The following DHRSX variants were observed in gnomAD, a reference collection of about 807,000 sequenced individuals.
DHRSX encodes polyprenol dehydrogenase.
A neutral mutation model predicts 34.0 loss-of-function variants in DHRSX; 31 were observed. The ratio of observed to expected loss-of-function variants is 0.91; its 90% confidence interval spans 0.69 to 1.23. DHRSX has a LOEUF of 1.23. Ranked by LOEUF, DHRSX falls within the 50% of genes most tolerant of loss-of-function variation. The probability of loss-of-function intolerance (pLI) is 0.00; values close to 1 mark genes in which losing one functional copy is unlikely to be tolerated. For synonymous variants in DHRSX, 201 were observed against 183.8 expected, an observed-to-expected ratio of 1.09 and a Z score of -0.76; for missense variants, 414 against 428.1, an observed-to-expected ratio of 0.97 and a Z score of 0.29.
At chrX:2,284,828 A>G (rs753029837) in intron 4 of DHRSX, among the ~76,000 whole-genome samples, 1 of 152,256 alleles carries the variant, frequency 6.6e-6, no homozygotes, top group African/African-American at 2.4e-5. Context: ...GTCAGGTTCT[A>G]TTTTCAACCC....
chrX:2,498,625 G>GAA (rs10624636), intron 1 of DHRSX, among the ~76,000 whole-genome samples: 25,503 of 128,448 alleles, frequency 0.2, 2,629 homozygotes, highest in South Asian at 0.32. Flanking sequence ...CAGTAAATGG[G>GAA]AAAAAAAAAA....
At chrX:2,454,255 T>G (rs7889210) in intron 1 of DHRSX, among the ~76,000 whole-genome samples, 72,127 of 151,886 alleles carry the variant, frequency 0.47, 20,296 homozygotes, top group African/African-American at 0.77. Context: ...GGCCGGGCGC[T>G]GTGACTCACG....
At position 2,422,889 on chromosome X, in the gene DHRSX, A is replaced by G. The variant is rs373113285; in HGVS notation, c.217+2308T>C. Among the ~76,000 whole-genome samples, 29 of 152,032 alleles carry G rather than the reference A, an allele frequency of 1.9e-4. 1 individual carries two copies. The highest frequency in any genetic ancestry group is 6.5e-4 in the African/African-American group (27 of 41,514). On this transcript the variant is annotated intron_variant, in intron 2 of 6. Coordinates refer to ENST00000334651, the MANE Select transcript of DHRSX (RefSeq NM_145177.3). ...AACCTCCGCCTCTCAGGTTCAAGCA[A>G]TTCACCTGCCTCAGCCTCCCGAGTA...
At position 2,425,177 on chromosome X, in the gene DHRSX, G is replaced by T; in HGVS notation, c.217+20C>A. 1 of 1,543,626 alleles carries T rather than the reference G, an allele frequency of 6.5e-7. No individual in the cohort carries two copies. Among genetic ancestry groups the T allele is most frequent in the Non-Finnish European group, 8.8e-7 (1 of 1,136,334 alleles). ...AAAACCGAAAAAACAAAAAACACAA[G>T]TAACTGTAAAAGTCATCACCTATGA... On this transcript the variant is annotated intron_variant, in intron 2 of 6. Transcript: ENST00000334651.
chrX:2,325,477 C>T (rs761920786), intron 3 of DHRSX, among the ~76,000 whole-genome samples: 6 of 152,336 alleles, frequency 3.9e-5, no homozygotes, highest in African/African-American at 7.2e-5. Context: ...GCTCCATCTT[C>T]CCTCCTCTTT....
chrX:2,477,901 G>T (rs73622916), intron 1 of DHRSX, among the ~76,000 whole-genome samples: 22,038 of 141,700 alleles, frequency 0.16, no homozygotes, highest in African/African-American at 0.29. Context: ...CAGGACACAA[G>T]CCCCTTCCAC....
chrX:2,413,635 T>C (rs2043658233), intron 2 of DHRSX, among the ~76,000 whole-genome samples: 2 of 152,330 alleles, frequency 1.3e-5, no homozygotes, highest in East Asian at 1.9e-4. Context: ...GTACTATTCA[T>C]GGACAATACA....
Position 2,296,511 on chromosome X carries a change from A to AC in DHRSX, c.287-4909dup, listed in dbSNP as rs758431330. On this transcript the variant is annotated intron_variant, in intron 3 of 6. Transcript: ENST00000334651. ...ATAGGAATAGGACCCAGGCAGATAG[A>AC]CCCAGGCAGACAGGAATAGGACCCA... Among the ~76,000 whole-genome samples, 761 of 133,470 alleles carry AC rather than the reference A, an allele frequency of 5.7e-3. 2 individuals carry two copies. The highest frequency in any genetic ancestry group is 0.02 in the African/African-American group (616 of 30,514). 87.6% of individuals were successfully genotyped at this position (133,470 alleles called of 152,430 possible).
intron 3 of DHRSX, among the ~76,000 whole-genome samples, chrX:2,295,213 G>A (rs2041917942): frequency 6.6e-6 from 1 of 151,504 alleles, no homozygotes; most frequent in Admixed American, 6.6e-5. Flanking sequence ...AGAAAATGTG[G>A]CACATAGACA....
Position 2,316,388 on chromosome X carries a change from C to T in DHRSX, c.287-24785G>A, listed in dbSNP as rs865937182. On this transcript the variant is annotated intron_variant, in intron 3 of 6. Coordinates refer to ENST00000334651, the MANE Select transcript of DHRSX (RefSeq NM_145177.3). ...CCAAAAGGGTGAAACCCTGTCTCTACGAAAAATACAAAAATTAGCCAGGCA... is the reference window on the plus strand; with the variant it reads ...CCAAAAGGGTGAAACCCTGTCTCTATGAAAAATACAAAAATTAGCCAGGCA... Among the ~76,000 whole-genome samples, 8 of 152,194 alleles carry T rather than the reference C, an allele frequency of 5.3e-5. No homozygotes were observed. In the South Asian group the frequency reaches 6.2e-4, roughly 12 times the overall value.
At chrX:2,282,956 GAC>G (rs1234684350) in intron 4 of DHRSX, among the ~76,000 whole-genome samples, 2 of 151,490 alleles carry the variant, frequency 1.3e-5, no homozygotes, top group South Asian at 2.1e-4. Flanking sequence ...GAGAGAGAGA[GAC>G]AGAGAGAAAA....
At chrX:2,270,794 A>G (rs2041540798) in intron 4 of DHRSX, among the ~76,000 whole-genome samples, 1 of 152,188 alleles carries the variant, frequency 6.6e-6, no homozygotes. Context: ...GTCTAGCTAA[A>G]GAATTGTAAA....
chrX:2,354,945 T>C (rs1374719233), intron 3 of DHRSX, among the ~76,000 whole-genome samples: 1 of 152,082 alleles, frequency 6.6e-6, no homozygotes, highest in Admixed American at 6.6e-5. Context: ...AATATCCATC[T>C]TGGGACTCAT....
At chrX:2,384,961 A>G (rs1487456604) in intron 3 of DHRSX, among the ~76,000 whole-genome samples, 1 of 151,452 alleles carries the variant, frequency 6.6e-6, no homozygotes, top group Non-Finnish European at 1.5e-5. Context: ...ATATATATAT[A>G]TACATTTGCT....
intron 3 of DHRSX, among the ~76,000 whole-genome samples, chrX:2,371,496 T>C (rs779064790): frequency 3.7e-5 from 5 of 135,730 alleles, no homozygotes; most frequent in Admixed American, 2.1e-4. Flanking sequence ...CCCGTTACCG[T>C]AGACCCTCCC....
chrX:2,221,060 AC>A lies in DHRSX; in HGVS notation c.973del (p.Val325SerfsTer4). On this transcript the variant is annotated frameshift_variant, in exon 7 of 7. Coordinates refer to ENST00000334651, the MANE Select transcript of DHRSX (RefSeq NM_145177.3). LOFTEE classifies it high-confidence loss of function. ...LWSKSCEMTG[V>X]LDVTL ...AGGATATCACAGGGTCACATCAAGG[AC>A]CCCAGTCATCTCACAACTCTTAGAC... 6.2e-7 allele frequency: 1 copy of A among 1,613,676 alleles called. No homozygotes were observed. Among genetic ancestry groups the A allele is most frequent in the South Asian group, 1.1e-5 (1 of 91,054 alleles).
chrX:2,304,885 A>G (rs2042081126), intron 3 of DHRSX, among the ~76,000 whole-genome samples: 1 of 152,154 alleles, frequency 6.6e-6, no homozygotes, highest in South Asian at 2.1e-4. Context: ...AAATCATTCT[A>G]TTATAAAGAT....
At chrX:2,251,930 TGCATAATAAAGA>T (rs2124441200) in intron 5 of DHRSX, among the ~76,000 whole-genome samples, 1 of 152,220 alleles carries the variant, frequency 6.6e-6, no homozygotes, top group African/African-American at 2.4e-5. Flanking sequence ...AAAGGCTGAC[TGCATAATAAAGA>T]GATTGGAAGA....
chrX:2,313,408 G>A (rs370744893), intron 3 of DHRSX, among the ~76,000 whole-genome samples: 13 of 150,800 alleles, frequency 8.6e-5, no homozygotes, highest in African/African-American at 1.9e-4. Context: ...TCGCTCTGTC[G>A]CCCAGGCTGG....
Sources: allele counts gnomAD v4.1 joint callset (sites outside exome capture counted in the v4.1 genomes callset), GRCh38; gene constraint gnomAD v4.1.1; transcripts MANE v1.5; gene names NCBI Gene and HGNC (gene_info 2026-07-23, HGNC 2026-07-21).